Variants in ROCK1 observed in about 807,000 individuals in gnomAD.
ROCK1 encodes the protein Rho associated coiled-coil containing protein kinase 1.
Under a neutral mutation model 196.8 loss-of-function variants are expected in ROCK1, and 36 were observed. The ratio of observed to expected loss-of-function variants is 0.18; its 90% CI spans 0.14 to 0.24. The LOEUF is 0.24. ROCK1 is among the 10% of genes least tolerant of loss of function. The pLI is 1.00. For synonymous variants in ROCK1, 443 were observed against 515.9 expected (o/e 0.86, Z 1.91); for missense variants, 920 against 1,562.0 (o/e 0.59, Z 6.93).
intron 10 of ROCK1, among the ~76,000 whole-genome samples, chr18:21,028,053 G>A (rs911575335): frequency 1.0e-4 from 15 of 148,832 alleles, no homozygotes; most frequent in Admixed American, 6.7e-4. Flanking sequence ...GAGCCACCGC[G>A]CCCGGCCCAC....
chr18:21,102,082 C>A (rs1388426135), intron 1 of ROCK1, among the ~76,000 whole-genome samples: 1 of 152,000 alleles, frequency 6.6e-6, no homozygotes, highest in Non-Finnish European at 1.5e-5. Flanking sequence ...ATAAAATTAC[C>A]AAACAGAATG....
intron 1 of ROCK1, among the ~76,000 whole-genome samples, chr18:21,091,833 G>A (rs2036572677): frequency 1.3e-5 from 2 of 151,994 alleles, no homozygotes; most frequent in South Asian, 2.1e-4. Flanking sequence ...AGCCCAGCGT[G>A]GTGTCGTATG....
chr18:21,045,899 G>GTTTTTTTT (rs34360056), intron 4 of ROCK1, among the ~76,000 whole-genome samples: 4 of 62,496 alleles, frequency 6.4e-5, no homozygotes, highest in East Asian at 6.2e-4. Flanking sequence ...AGTTTCAGCT[G>GTTTTTTTT]TTTTTTTTTT....
Position 21,045,403 on chromosome 18 carries a change from T to C in ROCK1, c.479A>G (p.Asp160Gly). 1 of 1,613,678 alleles carries C rather than the reference T, an allele frequency of 6.2e-7. No individual in the cohort carries two copies. The highest frequency in any genetic ancestry group is 8.5e-7 in the Non-Finnish European group (1 of 1,179,914). ...ATAGTTGCTCATTAAGTTTACAAGATCTCCACCAGGCATGTATTCCATCAC... is the reference window on the plus strand; with the variant it reads ...ATAGTTGCTCATTAAGTTTACAAGACCTCCACCAGGCATGTATTCCATCAC... ...YMVMEYMPGG[D>G]LVNLMSNYDV... Residue 160 changes from aspartate to glycine, a missense_variant, in exon 5 of 33, where the codon GAT becomes GGT. Coordinates refer to ENST00000399799, the MANE Select transcript of ROCK1 (RefSeq NM_005406.3).
chr18:21,028,314 G>A (rs1402005463), intron 10 of ROCK1, among the ~76,000 whole-genome samples: 1 of 151,740 alleles, frequency 6.6e-6, no homozygotes, highest in Non-Finnish European at 1.5e-5. Context: ...TACTCGGGAG[G>A]CTGAGGCAGG....
At position 20,949,572 on chromosome 18, in the gene ROCK1, T is replaced by C. The variant is rs1439573308; in HGVS notation, c.*1812A>G. 1 of 152,238 alleles carries C rather than the reference T, an allele frequency of 6.6e-6. No homozygotes were observed. Among genetic ancestry groups the C allele is most frequent in the African/African-American group, 2.4e-5 (1 of 41,460 alleles). The allele number at this position is 152,238 out of a possible 1,614,324, so 9.4% of individuals were successfully genotyped here. A position where few individuals can be genotyped will look rare whatever the true frequency, so the allele number is the denominator to read the frequency against. The stretch of plus-strand genomic sequence containing the variant: ...GAGAACTCTATCTTCCAAGGCTGTT[T>C]ACTACATAAATATCCTTGGAAAAGA... On this transcript the variant is annotated 3_prime_UTR_variant, in exon 33 of 33. Coordinates refer to ENST00000399799, the MANE Select transcript of ROCK1 (RefSeq NM_005406.3).
chr18:21,070,200 A>G (rs2036372118), intron 2 of ROCK1, among the ~76,000 whole-genome samples: 1 of 152,150 alleles, frequency 6.6e-6, no homozygotes, highest in South Asian at 2.1e-4. Flanking sequence ...TCGGAAAAGA[A>G]TATCTGTAAA....
chr18:21,025,913 A>T (rs977959771), intron 10 of ROCK1, among the ~76,000 whole-genome samples: 17 of 152,332 alleles, frequency 1.1e-4, no homozygotes, highest in African/African-American at 4.1e-4. Flanking sequence ...TTTGGGCCAT[A>T]AAACATGAAT....
At chr18:21,076,567 T>TAC (rs1007163263) in intron 1 of ROCK1, among the ~76,000 whole-genome samples, 3 of 152,044 alleles carry the variant, frequency 2.0e-5, no homozygotes, top group East Asian at 1.9e-4. Context: ...TACATATATA[T>TAC]ACACACATAA....
At chr18:21,013,978 A>C (rs999815953) in intron 13 of ROCK1, among the ~76,000 whole-genome samples, 2 of 151,698 alleles carry the variant, frequency 1.3e-5, no homozygotes, top group African/African-American at 2.4e-5. Context: ...AGGCAGGAGA[A>C]TAGCGTGAAC....
At chr18:21,061,778 A>T (rs2036293463) in intron 2 of ROCK1, among the ~76,000 whole-genome samples, 1 of 152,214 alleles carries the variant, frequency 6.6e-6, no homozygotes, top group Non-Finnish European at 1.5e-5. Flanking sequence ...GGCTAAAGAC[A>T]AAAAAGGAAC....
chr18:20,973,438 C>T (rs867004490), intron 22 of ROCK1, among the ~76,000 whole-genome samples: 8 of 151,968 alleles, frequency 5.3e-5, no homozygotes, highest in Non-Finnish European at 7.4e-5. Flanking sequence ...CCACCATGCC[C>T]GGCTAATTTT....
At chr18:21,070,980 T>C (rs1403586039) in intron 1 of ROCK1, among the ~76,000 whole-genome samples, 1 of 152,186 alleles carries the variant, frequency 6.6e-6, no homozygotes, top group African/African-American at 2.4e-5. Flanking sequence ...TTACTATAAA[T>C]ATTTTATAAG....
rs761231638 is a variant in ROCK1 at position 20,970,417 on chromosome 18, C to T, written c.2751G>A (p.Thr917=). Residue 917 remains threonine, a synonymous_variant, in exon 23 of 33, where the codon ACG becomes ACA. Transcript: ENST00000399799. Reference sequence around the variant, plus strand: ...TTGAAGCAGCTTTCTTGCTTTCTTGCGTCAATTCAAAATACTGTTCTTCCA... The same window carrying T: ...TTGAAGCAGCTTTCTTGCTTTCTTGTGTCAATTCAAAATACTGTTCTTCCA... ...GLLEEQYFEL[T]QESKKAASRN... 1.3e-5 allele frequency: 21 copies of T among 1,613,682 alleles called. No individual in the cohort carries two copies. The East Asian group carries it at 1.3e-4, about 10-fold the overall frequency.
At chr18:20,997,277 G>A (rs1002206820) in intron 16 of ROCK1, among the ~76,000 whole-genome samples, 1 of 151,948 alleles carries the variant, frequency 6.6e-6, no homozygotes, top group Non-Finnish European at 1.5e-5. Flanking sequence ...GAAAAAACAA[G>A]GGGATGGAAA....
intron 1 of ROCK1, among the ~76,000 whole-genome samples, chr18:21,109,728 G>C (rs2143613902): frequency 6.6e-6 from 1 of 152,272 alleles, no homozygotes; most frequent in African/African-American, 2.4e-5. Context: ...CAGAAATTTA[G>C]AGTAACTGAA....
rs956288768 is a variant in ROCK1, at chr18:21,055,140, C to T, written c.176-5260G>A. Among the ~76,000 whole-genome samples the T allele has an allele frequency of 3.3e-5, 5 of 152,272 alleles. No homozygotes were observed. In the East Asian group the frequency reaches 9.7e-4, roughly 29 times the overall value. On this transcript the variant is annotated intron_variant, in intron 2 of 32. Coordinates refer to ENST00000399799, the MANE Select transcript of ROCK1 (RefSeq NM_005406.3). ...CCTCACTTTACTTAGTTTGGCAAAACGACAATCCTATTATAGTTAAATCCA... is the reference window on the plus strand; with the variant it reads ...CCTCACTTTACTTAGTTTGGCAAAATGACAATCCTATTATAGTTAAATCCA...
chr18:21,096,481 G>T (rs1237056500), intron 1 of ROCK1, among the ~76,000 whole-genome samples: 9 of 152,170 alleles, frequency 5.9e-5, no homozygotes, highest in Admixed American at 5.9e-4. Context: ...GATTACAGGC[G>T]TGAGCCACCA....
At chr18:21,093,338 C>T (rs1258897928) in intron 1 of ROCK1, among the ~76,000 whole-genome samples, 10 of 152,088 alleles carry the variant, frequency 6.6e-5, no homozygotes, top group African/African-American at 2.2e-4. Flanking sequence ...GCACAGGGCA[C>T]GTTGTGAGAG....
Sources: allele counts gnomAD v4.1 joint callset (sites outside exome capture counted in the v4.1 genomes callset), GRCh38; gene constraint gnomAD v4.1.1; transcripts MANE v1.5; gene names NCBI Gene and HGNC (gene_info 2026-07-23, HGNC 2026-07-21).